ADAM17: variants seen among roughly 807,000 people sequenced by gnomAD.
The protein encoded by ADAM17 is ADAM metallopeptidase domain 17, also known as disintegrin and metalloproteinase domain-containing protein 17.
Under a neutral mutation model 96.7 loss-of-function variants are expected in ADAM17, and 39 were observed. The observed-to-expected ratio is 0.40, with a 90% CI of 0.31 to 0.53. The LOEUF (loss-of-function observed/expected upper bound fraction) is 0.53. Among genes scored for constraint, ADAM17 ranks in the 20% least tolerant of loss-of-function variants. ADAM17 has a pLI of 0.44. For missense variants in ADAM17, 777 were observed against 1,013.2 expected (o/e 0.77, Z 3.17); for synonymous variants, 344 against 359.2 (o/e 0.96, Z 0.48).
intron 17 of ADAM17, 139 bp from the exon 18 acceptor site, chr2:9,491,290 G>A (rs1175535417): frequency 2.3e-5 from 16 of 688,908 alleles, no homozygotes; most frequent in Non-Finnish European, 3.8e-5. Context: ...CTCAACAGAT[G>A]ACAATCCATT....
At chr2:9,516,985 A>C (rs1664089041) in intron 10 of ADAM17, among the ~76,000 whole-genome samples, 1 of 152,164 alleles carries the variant, frequency 6.6e-6, no homozygotes, top group Non-Finnish European at 1.5e-5. Context: ...GCCTCCAGAG[A>C]AGCTTTTTAG....
intron 4 of ADAM17, among the ~76,000 whole-genome samples, chr2:9,531,787 A>G (rs1459870542): frequency 6.6e-6 from 1 of 151,940 alleles, no homozygotes; most frequent in Non-Finnish European, 1.5e-5. Context: ...AAGCTATGGT[A>G]AAGTCAGTGA....
intron 2 of ADAM17, among the ~76,000 whole-genome samples, chr2:9,542,703 T>C (rs904076540): frequency 3.9e-5 from 6 of 152,198 alleles, no homozygotes; most frequent in African/African-American, 1.2e-4. Context: ...ATTTATTTTA[T>C]TTATTTATTT....
At position 9,533,721 on chromosome 2, in the gene ADAM17, G is replaced by A. The variant is rs529780141; in HGVS notation, c.450+2113C>T. Among the ~76,000 whole-genome samples, 50 of 152,212 alleles carry A rather than the reference G, an allele frequency of 3.3e-4. 1 individual carries two copies. Among genetic ancestry groups the A allele is most frequent in the Admixed American group, 7.9e-4 (12 of 15,280 alleles). On this transcript the variant is annotated intron_variant, in intron 4 of 18. Transcript: ENST00000310823. ...TAAAGTGTTCTAGAATGTATTGAAC[G>A]GAAGGCCATTTCCAAGCCTGGCCCT...
Position 9,518,218 on chromosome 2 carries a change from T to A in ADAM17, c.987A>T (p.Ala329=), listed in dbSNP as rs745489345. ...AAAGGTGTGCCAAGCAAACTTTAGA[T>A]GCTTCCTCAGCTATATCAAAGCTAA... The part of the protein sequence containing the change: ...EQFSFDIAEE[A]SKVCLAHLFT... The change falls in exon 9 of 19, where the codon GCA becomes GCT. Residue 329 remains alanine, a synonymous_variant. Coordinates refer to ENST00000310823, the MANE Select transcript of ADAM17 (RefSeq NM_003183.6). 6.4e-7 allele frequency: 1 copy of A among 1,563,706 alleles called. No homozygotes were observed. The highest frequency in any genetic ancestry group is 2.3e-5 in the East Asian group (1 of 43,970).
intron 6 of ADAM17, among the ~76,000 whole-genome samples, chr2:9,524,675 C>T (rs926030013): frequency 7.9e-5 from 12 of 152,162 alleles, no homozygotes; most frequent in African/African-American, 2.9e-4. Flanking sequence ...ACTGCCAACC[C>T]TATTCCCCCA....
chr2:9,502,069 TTAAAAA>T, intron 13 of ADAM17, 98 bp downstream of exon 13: 1 of 1,031,680 alleles, frequency 9.7e-7, no homozygotes. Flanking sequence ...GCATATGAGA[TTAAAAA>T]TAAGGTGTCT....
intron 10 of ADAM17, among the ~76,000 whole-genome samples, chr2:9,512,892 C>T (rs1381820984): frequency 6.6e-6 from 1 of 152,146 alleles, no homozygotes; most frequent in Non-Finnish European, 1.5e-5. Flanking sequence ...CATTCGTGTG[C>T]CAGGAGGGAG....
In ADAM17 at chr2:9,490,336, C is replaced by T; in HGVS notation, c.2316G>A (p.Met772Ile). The T allele has an allele frequency of 6.2e-7, 1 of 1,614,100 alleles. No homozygotes were observed. Among genetic ancestry groups the T allele is most frequent in the Non-Finnish European group, 8.5e-7 (1 of 1,180,030 alleles). Reference sequence around the variant, plus strand: ...GGTCCTTCTCAAACCCATCCTCGTCCATATGTGAGTCTGTGCTGGGGTCTT... The same window carrying T: ...GGTCCTTCTCAAACCCATCCTCGTCTATATGTGAGTCTGTGCTGGGGTCTT... ...IQEDPSTDSHMDEDGFEKDPF... is the reference protein window; with the variant it reads ...IQEDPSTDSHIDEDGFEKDPF... The change falls in exon 19 of 19, where the codon ATG becomes ATA. Residue 772 changes from methionine (M) to isoleucine (I), a missense_variant. Met to Ile is a conservative substitution (Grantham distance 10, BLOSUM62 1). Around this residue, in one of 3 missense-constraint regions of ADAM17, gnomAD observed 197 missense variants for 219.4 expected, o/e 0.90. Coordinates refer to ENST00000310823, the MANE Select transcript of ADAM17 (RefSeq NM_003183.6).
At chr2:9,538,709 T>G (rs1455305255) in intron 2 of ADAM17, among the ~76,000 whole-genome samples, 3 of 152,210 alleles carry the variant, frequency 2.0e-5, no homozygotes, top group African/African-American at 7.2e-5. Flanking sequence ...AAAATTCATG[T>G]TTTTTGATTT....
chr2:9,531,875 T>C (rs544575022), intron 4 of ADAM17, among the ~76,000 whole-genome samples: 60 of 152,218 alleles, frequency 3.9e-4, no homozygotes, highest in Non-Finnish European at 6.0e-4. Flanking sequence ...AGCAAGAGGA[T>C]TGCTTACAGT....
chr2:9,548,864 A>C (rs1437775469), intron 1 of ADAM17, among the ~76,000 whole-genome samples: 3 of 152,240 alleles, frequency 2.0e-5, no homozygotes, highest in Non-Finnish European at 4.4e-5. Flanking sequence ...CAGGCCTGTA[A>C]CAAAATGGCC....
At chr2:9,522,827 G>A (rs1317276450) in intron 7 of ADAM17, among the ~76,000 whole-genome samples, 2 of 152,166 alleles carry the variant, frequency 1.3e-5, no homozygotes, top group Non-Finnish European at 2.9e-5. Context: ...AGATATCTGA[G>A]AGGAAAGAAC....
intron 4 of ADAM17, among the ~76,000 whole-genome samples, chr2:9,529,233 T>C (rs1664644395): frequency 1.3e-5 from 2 of 152,150 alleles, no homozygotes; most frequent in Non-Finnish European, 2.9e-5. Context: ...GTGGATCACT[T>C]GAGGTCAGGA....
intron 11 of ADAM17, among the ~76,000 whole-genome samples, chr2:9,506,019 G>A (rs1046415739): frequency 1.3e-5 from 2 of 152,086 alleles, no homozygotes; most frequent in African/African-American, 4.8e-5. Flanking sequence ...AGAACCACTA[G>A]GATAACTCCC....
intron 8 of ADAM17, among the ~76,000 whole-genome samples, chr2:9,520,988 G>GAAAAAAAAAAAAAAAAAAAA (rs1234369493): frequency 9.8e-5 from 11 of 112,122 alleles, no homozygotes; most frequent in Non-Finnish European, 1.6e-4. Context: ...AAAAAAAAAG[G>GAAAAAAAAAAAAAAAAAAAA]AAGCATTGCT....
chr2:9,520,128 G>A (rs573922599), intron 8 of ADAM17, among the ~76,000 whole-genome samples: 1 of 152,320 alleles, frequency 6.6e-6, no homozygotes, highest in Non-Finnish European at 1.5e-5. Context: ...CAAGAATCCA[G>A]ATGAGCCACA....
rs1663980921 is a variant in ADAM17, at chr2:9,514,868, C to A, written c.1191+3033G>T. Among the ~76,000 whole-genome samples, 2 of 151,928 alleles carry A rather than the reference C, an allele frequency of 1.3e-5. 1 individual carries two copies. The highest frequency in any genetic ancestry group is 1.3e-4 in the Admixed American group (2 of 15,254). ...CCAGCATGGGAGACACAGCGAGACT[C>A]CATCTCAAAAAAGAAAAGGAGGATC... is the stretch of plus-strand genomic sequence containing the variant. On this transcript the variant is annotated intron_variant, in intron 10 of 18. Coordinates refer to ENST00000310823, the MANE Select transcript of ADAM17 (RefSeq NM_003183.6).
At position 9,521,346 on chromosome 2, in the gene ADAM17, C is replaced by T. The variant is rs377170165; in HGVS notation, c.844-30G>A. Reference sequence around the variant, plus strand: ...ACTTAAAGAGATCATATACTTAGAACACTTCCAAAATAAGTCAGAAGGCTC... The same window carrying T: ...ACTTAAAGAGATCATATACTTAGAATACTTCCAAAATAAGTCAGAAGGCTC... On this transcript the variant is annotated intron_variant, in intron 7 of 18. Transcript: ENST00000310823. The T allele has an allele frequency of 1.2e-4, 168 of 1,453,560 alleles. 3 individuals carry two copies. The South Asian group carries it at 1.4e-3, about 12-fold the overall frequency. The allele number at this position is 1,453,560 out of a possible 1,614,324, so 90.0% of individuals were successfully genotyped here.
Sources: allele counts gnomAD v4.1 joint callset (sites outside exome capture counted in the v4.1 genomes callset), GRCh38; gene constraint gnomAD v4.1.1; regional missense constraint gnomAD v4.1.1; transcripts MANE v1.5; gene names NCBI Gene and HGNC (gene_info 2026-07-23, HGNC 2026-07-21).